SBF2: variants seen among roughly 807,000 people sequenced by gnomAD.
The protein encoded by SBF2 is SET binding factor 2.
Under a neutral mutation model 225.2 loss-of-function variants are expected in SBF2, and 112 were observed. The ratio of observed to expected loss-of-function variants is 0.50; its 90% CI spans 0.43 to 0.58. The LOEUF (loss-of-function observed/expected upper bound fraction) is 0.58, where lower values mean the gene tolerates loss of function less well. Ranked by LOEUF, SBF2 falls within the 20% of genes least tolerant of loss-of-function variation. SBF2 has a pLI of 0.00. For missense variants in SBF2, 1,996 were observed against 2,206.2 expected, an observed-to-expected ratio of 0.90 and a Z score of 1.91; for synonymous variants, 763 against 773.3, an observed-to-expected ratio of 0.99 and a Z score of 0.22.
At chr11:9,927,012 TA>T (rs1396254954) in intron 16 of SBF2, among the ~76,000 whole-genome samples, 3 of 152,132 alleles carry the variant, frequency 2.0e-5, no homozygotes, top group East Asian at 3.9e-4. Flanking sequence ...CTGAACAGGA[TA>T]AAAAGGGGAG....
chr11:10,078,334 G>A (rs1343526437), intron 2 of SBF2, among the ~76,000 whole-genome samples: 1 of 152,166 alleles, frequency 6.6e-6, no homozygotes, highest in Admixed American at 6.5e-5. Flanking sequence ...GAACACATAT[G>A]TTTACTGTAG....
At chr11:10,065,277 G>C (rs1319221717) in intron 2 of SBF2, among the ~76,000 whole-genome samples, 2 of 151,944 alleles carry the variant, frequency 1.3e-5, no homozygotes, top group Non-Finnish European at 2.9e-5. Context: ...AGTATGTAAG[G>C]GGAAATTTAT....
At chr11:9,782,672 A>C (rs1852091752) in intron 38 of SBF2, among the ~76,000 whole-genome samples, 1 of 152,022 alleles carries the variant, frequency 6.6e-6, no homozygotes, top group Non-Finnish European at 1.5e-5. Flanking sequence ...GGAGTTTGAG[A>C]CCAGCCTGAC....
intron 1 of SBF2, among the ~76,000 whole-genome samples, chr11:10,285,406 A>G (rs1276356351): frequency 2.0e-5 from 3 of 152,058 alleles, no homozygotes; most frequent in Admixed American, 6.5e-5. Flanking sequence ...AAAAAAAAAA[A>G]TCTCAATAAT....
intron 2 of SBF2, among the ~76,000 whole-genome samples, chr11:10,134,366 G>A (rs1442266324): frequency 2.6e-5 from 4 of 151,870 alleles, no homozygotes; most frequent in African/African-American, 9.7e-5. Context: ...ATTCTGCCCT[G>A]GCCCCCCCCA....
At chr11:9,893,885 T>G (rs1349949319) in intron 17 of SBF2, among the ~76,000 whole-genome samples, 2 of 152,248 alleles carry the variant, frequency 1.3e-5, no homozygotes, top group African/African-American at 4.8e-5. Flanking sequence ...ATTTTATTCC[T>G]GCATTCTTAC....
chr11:10,243,525 TAAAG>T (rs564961902), intron 1 of SBF2, among the ~76,000 whole-genome samples: 274 of 150,454 alleles, frequency 1.8e-3, no homozygotes, highest in African/African-American at 6.3e-3. Flanking sequence ...AATGACAAAA[TAAAG>T]AGTTTTTTGA....
Position 9,839,523 on chromosome 11 carries a change from T to C in SBF2, c.3430A>G (p.Asn1144Asp). ...CTCCGGCAGAGTGAATACATCCTGT[T>C]GGAGGCAGTAATTCTAAAATACTCG... ...RPEYFRITAS[N>D]RMYSLCRSYP... The change falls in exon 26 of 40, where the codon AAC (asparagine) becomes GAC (aspartate). Residue 1144 changes from asparagine to aspartate, a missense_variant. Asn to Asp is a conservative substitution (Grantham distance 23). Coordinates refer to ENST00000256190, the MANE Select transcript of SBF2 (RefSeq NM_030962.4). The C allele has an allele frequency of 6.2e-7, 1 of 1,614,226 alleles. No individual in the cohort carries two copies. The highest frequency in any genetic ancestry group is 8.5e-7 in the Non-Finnish European group (1 of 1,180,024).
chr11:9,970,586 T>C (rs746377954), intron 13 of SBF2, among the ~76,000 whole-genome samples: 1 of 152,202 alleles, frequency 6.6e-6, no homozygotes, highest in African/African-American at 2.4e-5. Context: ...AGGCAGATGA[T>C]ATAGCTAGTA....
At chr11:10,110,426 T>C (rs567275973) in intron 2 of SBF2, among the ~76,000 whole-genome samples, 2 of 152,156 alleles carry the variant, frequency 1.3e-5, no homozygotes, top group African/African-American at 2.4e-5. Flanking sequence ...TTTCACATTA[T>C]TTGCAAATTA....
chr11:9,991,834 G>T (rs543563464), intron 12 of SBF2, among the ~76,000 whole-genome samples: 1 of 152,176 alleles, frequency 6.6e-6, no homozygotes, highest in East Asian at 1.9e-4. Flanking sequence ...TAATTGATTA[G>T]TGAGAATGCC....
chr11:10,129,109 T>C (rs531558055), intron 2 of SBF2, among the ~76,000 whole-genome samples: 1 of 144,022 alleles, frequency 6.9e-6, no homozygotes, highest in Non-Finnish European at 1.5e-5. Context: ...TCTTTTTTTT[T>C]TTTTTTTTTT....
chr11:9,950,977 C>G (rs1865823212), intron 16 of SBF2, among the ~76,000 whole-genome samples: 1 of 152,128 alleles, frequency 6.6e-6, no homozygotes, highest in Non-Finnish European at 1.5e-5. Flanking sequence ...AGTGCTACTG[C>G]AGGATCATGG....
At chr11:10,184,216 A>G (rs1315218440) in intron 2 of SBF2, among the ~76,000 whole-genome samples, 1 of 152,214 alleles carries the variant, frequency 6.6e-6, no homozygotes, top group Non-Finnish European at 1.5e-5. Context: ...AATTCATGAT[A>G]TATATGTGAG....
chr11:9,992,744 A>G (rs1490089603), intron 11 of SBF2, among the ~76,000 whole-genome samples: 3 of 152,200 alleles, frequency 2.0e-5, no homozygotes, highest in Admixed American at 6.5e-5. Flanking sequence ...ATCTGTCTAC[A>G]TGTCAGGAGA....
chr11:9,935,865 C>T (rs1864859313), intron 16 of SBF2, among the ~76,000 whole-genome samples: 1 of 152,150 alleles, frequency 6.6e-6, no homozygotes, highest in African/African-American at 2.4e-5. Flanking sequence ...TAGAAGAAAA[C>T]CTAGGCAATA....
intron 2 of SBF2, among the ~76,000 whole-genome samples, chr11:10,047,951 A>G (rs1156447124): frequency 6.6e-6 from 1 of 152,136 alleles, no homozygotes; most frequent in Non-Finnish European, 1.5e-5. Context: ...CTGTTCCTCT[A>G]CTATACTCCA....
At chr11:9,789,534 T>G (rs1852603246) in intron 34 of SBF2, among the ~76,000 whole-genome samples, 192 bp from the exon 35 acceptor site, 1 of 152,168 alleles carries the variant, frequency 6.6e-6, no homozygotes, top group African/African-American at 2.4e-5. Context: ...CAATCCTCCC[T>G]CCTACATTGA....
intron 1 of SBF2, among the ~76,000 whole-genome samples, chr11:10,236,049 C>A (rs1959060149): frequency 1.3e-5 from 2 of 152,166 alleles, no homozygotes; most frequent in South Asian, 4.1e-4. Context: ...CCAGCCTGGG[C>A]AACAGAGCGA....
Sources: gnomAD v4.1 joint callset for allele counts (sites outside exome capture counted in the v4.1 genomes callset) on GRCh38, gnomAD v4.1.1 for gene constraint, MANE v1.5 for transcripts, NCBI Gene and HGNC (gene_info 2026-07-23, HGNC 2026-07-21) for gene names.